The following ORC2 variants were observed in gnomAD, a reference collection of about 807,000 sequenced individuals.
The protein encoded by ORC2 is origin recognition complex protein 2 homolog.
Under a neutral mutation model 77.7 loss-of-function variants are expected in ORC2, and 37 were observed. That is an observed-to-expected ratio of 0.48 (90% confidence interval 0.37 to 0.63). The LOEUF (loss-of-function observed/expected upper bound fraction) is 0.63, where lower values mean the gene tolerates loss of function less well. Ranked by LOEUF, ORC2 falls within the 20% of genes least tolerant of loss-of-function variation. ORC2 has a pLI of 0.00. For synonymous variants in ORC2, 201 were observed against 229.5 expected (o/e 0.88, Z 1.12); for missense variants, 557 against 661.9 (o/e 0.84, Z 1.74).
At chr2:200,937,814 C>T (rs1186399330) in intron 8 of ORC2, 92 bp downstream of exon 8, 2 of 777,616 alleles carry the variant, frequency 2.6e-6, no homozygotes, top group African/African-American at 1.8e-5. Flanking sequence ...AAACACCAAG[C>T]AGTCTAAGTC....
chr2:200,956,236 T>C (rs1256122890), intron 4 of ORC2, among the ~76,000 whole-genome samples: 1 of 150,066 alleles, frequency 6.7e-6, no homozygotes, highest in Non-Finnish European at 1.5e-5. Flanking sequence ...CAGCTAGTTT[T>C]ATTTTTTTTT....
At chr2:200,939,395 T>A (rs887688759) in intron 7 of ORC2, among the ~76,000 whole-genome samples, 1 of 152,132 alleles carries the variant, frequency 6.6e-6, no homozygotes, top group African/African-American at 2.4e-5. Context: ...TAATAAATAA[T>A]TTTTTCCTAC....
intron 4 of ORC2, among the ~76,000 whole-genome samples, chr2:200,952,848 C>T (rs956097893): frequency 3.3e-5 from 5 of 150,858 alleles, no homozygotes; most frequent in Non-Finnish European, 5.9e-5. Flanking sequence ...TAATTGCTTA[C>T]ACCTCTAATC....
At chr2:200,961,012 T>C (rs1030045626) in intron 1 of ORC2, among the ~76,000 whole-genome samples, 2 of 152,090 alleles carry the variant, frequency 1.3e-5, no homozygotes, top group Non-Finnish European at 2.9e-5. Context: ...CTTGAACTCG[T>C]GATTGGCCCA....
chr2:200,961,208 G>A (rs1460642833), intron 1 of ORC2, among the ~76,000 whole-genome samples: 1 of 151,332 alleles, frequency 6.6e-6, no homozygotes, highest in Non-Finnish European at 1.5e-5. Context: ...TTGAAACAGG[G>A]TCATTCAGCT....
At chr2:200,915,388 C>T (rs550408162) in intron 15 of ORC2, among the ~76,000 whole-genome samples, 14 of 152,218 alleles carry the variant, frequency 9.2e-5, no homozygotes, top group African/African-American at 2.4e-4. Context: ...GTACCATAAA[C>T]TTACCATTTC....
At position 200,911,125 on chromosome 2, in the gene ORC2, G is replaced by A. The variant is rs182765380; in HGVS notation, c.*176C>T. The stretch of plus-strand genomic sequence containing the variant: ...TGAGGACCGCTGCATAGTACTAGAC[G>A]GTACCAGCCAGGCTGATCAAAAAGT... On this transcript the variant is annotated 3_prime_UTR_variant, in exon 18 of 18. Transcript: ENST00000234296. The A allele has an allele frequency of 3.3e-4, 187 of 573,782 alleles. No individual in the cohort carries two copies. Among genetic ancestry groups the A allele is most frequent in the African/African-American group, 3.2e-3 (169 of 53,260 alleles). 35.5% of individuals were successfully genotyped at this position (573,782 alleles called of 1,614,324 possible). A position where few individuals can be genotyped will look rare whatever the true frequency, so the allele number is the denominator to read the frequency against.
chr2:200,957,082 T>C (rs1352829220), intron 4 of ORC2, among the ~76,000 whole-genome samples: 1 of 152,094 alleles, frequency 6.6e-6, no homozygotes, highest in African/African-American at 2.4e-5. Context: ...AGATGATGGG[T>C]TGAAAGGTGC....
intron 12 of ORC2, among the ~76,000 whole-genome samples, 175 bp downstream of exon 12, chr2:200,926,593 C>T (rs535409169): frequency 1.3e-5 from 2 of 152,272 alleles, no homozygotes; most frequent in South Asian, 2.1e-4. Flanking sequence ...GTAGGACATT[C>T]GAAGATGGTT....
At chr2:200,924,040 T>C (rs529795296) in intron 13 of ORC2, among the ~76,000 whole-genome samples, 1 of 152,148 alleles carries the variant, frequency 6.6e-6, no homozygotes, top group South Asian at 2.1e-4. Flanking sequence ...TGTTTTCAAA[T>C]GTGTAGAGTT....
At chr2:200,951,246 A>G (rs1488344050) in intron 4 of ORC2, among the ~76,000 whole-genome samples, 1 of 152,210 alleles carries the variant, frequency 6.6e-6, no homozygotes, top group East Asian at 1.9e-4. Context: ...AGGATGTGCC[A>G]GTTTGTTCAT....
intron 6 of ORC2, among the ~76,000 whole-genome samples, chr2:200,941,864 G>A (rs539697652): frequency 1.1e-4 from 17 of 152,218 alleles, no homozygotes; most frequent in African/African-American, 4.1e-4. Flanking sequence ...GCAGGTACCT[G>A]TAATCCCAGT....
intron 2 of ORC2, 89 bp from the exon 3 acceptor site, chr2:200,958,222 A>T: frequency 1.4e-6 from 1 of 714,590 alleles, no homozygotes; most frequent in Non-Finnish European, 2.5e-6. Context: ...ACATGTCTTT[A>T]TCTAATATTT....
chr2:200,932,342 T>TTTTTTTTTTTTTTTTTTTTTC, intron 10 of ORC2, among the ~76,000 whole-genome samples: 1 of 146,576 alleles, frequency 6.8e-6, no homozygotes. Flanking sequence ...AACTTTTTTT[T>TTTTTTTTTTTTTTTTTTTTTC]TTTTTTTTTT....
intron 5 of ORC2, 83 bp from the exon 6 acceptor site, chr2:200,942,860 T>C (rs1236532570): frequency 1.4e-6 from 1 of 728,082 alleles, no homozygotes; most frequent in Non-Finnish European, 2.2e-6. Flanking sequence ...CTTACAAAAA[T>C]TCTTTAAAAA....
At chr2:200,915,365 G>C (rs1318750119) in intron 15 of ORC2, among the ~76,000 whole-genome samples, 2 of 151,726 alleles carry the variant, frequency 1.3e-5, no homozygotes, top group Non-Finnish European at 2.9e-5. Context: ...TTTAACAACT[G>C]CTTATCTACC....
intron 3 of ORC2, 125 bp from the exon 4 acceptor site, chr2:200,957,669 T>C (rs372973751): frequency 1.6e-6 from 1 of 642,980 alleles, no homozygotes. Context: ...GCTTTCTCTT[T>C]GATTAAAACT....
chr2:200,948,312 G>A (rs952750478), intron 5 of ORC2, among the ~76,000 whole-genome samples: 2 of 151,954 alleles, frequency 1.3e-5, no homozygotes, highest in Non-Finnish European at 2.9e-5. Flanking sequence ...GCCACCCAAA[G>A]TGCTGAGATT....
chr2:200,932,546 G>C (rs1481366306), intron 10 of ORC2, among the ~76,000 whole-genome samples: 3 of 151,884 alleles, frequency 2.0e-5, no homozygotes, highest in African/African-American at 7.3e-5. Flanking sequence ...CACCATGTTG[G>C]GCAGGCCGCT....
Sources: gnomAD v4.1 joint callset for allele counts (sites outside exome capture counted in the v4.1 genomes callset) on GRCh38, gnomAD v4.1.1 for gene constraint, MANE v1.5 for transcripts, NCBI Gene and HGNC (gene_info 2026-07-23, HGNC 2026-07-21) for gene names.